Variants in PRDM1 observed in about 807,000 individuals in gnomAD.
The protein encoded by PRDM1 is PR domain zinc finger protein 1.
In PRDM1, 13 loss-of-function variants were observed where a neutral mutation model predicts 62.8. That is an observed-to-expected ratio of 0.21 (90% CI 0.13 to 0.33). PRDM1 has a LOEUF of 0.33. Ranked by LOEUF, PRDM1 falls within the 10% of genes least tolerant of loss-of-function variation. The pLI, the probability that PRDM1 is intolerant of heterozygous loss-of-function variation, is 1.00. For synonymous variants in PRDM1, 396 were observed against 417.6 expected, an observed-to-expected ratio of 0.95 and a Z score of 0.63; for missense variants, 895 against 1,058.8, an observed-to-expected ratio of 0.85 and a Z score of 2.15.
At position 106,105,068 on chromosome 6, in the gene PRDM1, C is replaced by A. The variant is rs1439183927; in HGVS notation, c.908C>A (p.Ala303Asp). The A allele has an allele frequency of 1.9e-6, 3 of 1,614,150 alleles. No individual in the cohort carries two copies. Among genetic ancestry groups the A allele is most frequent in the East Asian group, 4.5e-5 (2 of 44,878 alleles). Residue 303 changes from alanine to aspartate, a missense_variant, in exon 5 of 7, where the codon GCC (alanine) becomes GAC (aspartate). Ala to Asp is a moderately radical substitution (Grantham distance 126). This residue lies in a region of PRDM1 where 444 missense variants were observed against 422.7 expected (regional missense o/e 1.05). Coordinates refer to ENST00000369096, the MANE Select transcript of PRDM1 (RefSeq NM_001198.4). ...CCTCGGGTCGTTTACCCCATCCGGGCCCCTCTGCCAGAAGACTTTTTGAAA... is the reference window on the plus strand; with the variant it reads ...CCTCGGGTCGTTTACCCCATCCGGGACCCTCTGCCAGAAGACTTTTTGAAA... ...FYPRVVYPIR[A>D]PLPEDFLKAS...
chr6:106,022,902 T>C (rs2114560611), intron 1 of PRDM1, among the ~76,000 whole-genome samples: 1 of 152,332 alleles, frequency 6.6e-6, no homozygotes, highest in South Asian at 2.1e-4. Context: ...ATAGATTCAA[T>C]GTCGTCACCA....
At chr6:106,014,008 C>T (rs1772587652) in intron 1 of PRDM1, among the ~76,000 whole-genome samples, 1 of 149,506 alleles carries the variant, frequency 6.7e-6, no homozygotes, top group Non-Finnish European at 1.5e-5. Context: ...TTGTTTACTT[C>T]TTTACTGTCT....
chr6:106,007,204 G>T (rs1306191511), intron 1 of PRDM1, among the ~76,000 whole-genome samples: 1 of 151,856 alleles, frequency 6.6e-6, no homozygotes, highest in Non-Finnish European at 1.5e-5. Flanking sequence ...GGCCGAGGAG[G>T]GCGGATCACG....
At chr6:106,086,623 A>G in intron 1 of PRDM1, 28 bp downstream of exon 1, 1 of 1,524,660 alleles carries the variant, frequency 6.6e-7, no homozygotes, top group Non-Finnish European at 8.9e-7. Context: ...TTTTTTTTTA[A>G]TTCTGAAATT....
At chr6:106,098,949 C>T (rs1236851825) in intron 3 of PRDM1, 13 of 1,532,388 alleles carry the variant, frequency 8.5e-6, no homozygotes, top group African/African-American at 4.1e-5. Context: ...TCAGTAGCAT[C>T]GCCCATTTGC....
Position 106,025,022 on chromosome 6 carries a change from C to T in PRDM1, c.-67+31383C>T, listed in dbSNP as rs116828604. On this transcript the variant is annotated intron_variant, in intron 1 of 6. Transcript: ENST00000652320. ...TCTTCCTTCCCTTGGCAAGGTAGAACTTCTTTGATCTCGTTAAGAAAAAAA... is the reference window on the plus strand; with the variant it reads ...TCTTCCTTCCCTTGGCAAGGTAGAATTTCTTTGATCTCGTTAAGAAAAAAA... 7.4e-3 allele frequency among the ~76,000 whole-genome samples: 1,125 copies of T among 152,032 alleles called. 10 individuals are homozygous for T. Among genetic ancestry groups the T allele is most frequent in the African/African-American group, 0.026 (1,069 of 41,452 alleles).
At chr6:106,002,576 A>G (rs1342924614) in intron 1 of PRDM1, among the ~76,000 whole-genome samples, 1 of 152,212 alleles carries the variant, frequency 6.6e-6, no homozygotes, top group Non-Finnish European at 1.5e-5. Flanking sequence ...AAGGTTTTTA[A>G]AATGTATTCT....
At chr6:106,025,920 C>G (rs1347919711) in intron 1 of PRDM1, among the ~76,000 whole-genome samples, 1 of 152,192 alleles carries the variant, frequency 6.6e-6, no homozygotes, top group African/African-American at 2.4e-5. Context: ...AAACAGACCT[C>G]ATGCATTTCT....
chr6:106,043,163 T>A (rs1419573867), intron 1 of PRDM1, among the ~76,000 whole-genome samples: 2 of 152,340 alleles, frequency 1.3e-5, no homozygotes, highest in East Asian at 3.9e-4. Flanking sequence ...AGGCTGACAC[T>A]TTTAAGCCTT....
chr6:106,002,701 T>A (rs1173350245), intron 1 of PRDM1, among the ~76,000 whole-genome samples: 2 of 152,206 alleles, frequency 1.3e-5, no homozygotes. Flanking sequence ...CTTTGCCCAC[T>A]AGAAGAAAAA....
At chr6:106,051,303 C>A (rs773596472) in intron 1 of PRDM1, among the ~76,000 whole-genome samples, 8 of 152,202 alleles carry the variant, frequency 5.3e-5, no homozygotes, top group Non-Finnish European at 1.2e-4. Flanking sequence ...GCAAACATAA[C>A]CTCAGTGGGC....
At chr6:106,060,907 C>T (rs1348861716) in intron 1 of PRDM1, among the ~76,000 whole-genome samples, 3 of 151,964 alleles carry the variant, frequency 2.0e-5, no homozygotes, top group Non-Finnish European at 2.9e-5. Context: ...GAAAGTCTTC[C>T]GTCATCAAGG....
intron 1 of PRDM1, among the ~76,000 whole-genome samples, chr6:106,033,452 A>T (rs1182737793): frequency 6.6e-6 from 1 of 151,668 alleles, no homozygotes; most frequent in Non-Finnish European, 1.5e-5. Context: ...CTACGCCTGG[A>T]GATTATGTAT....
intron 1 of PRDM1, among the ~76,000 whole-genome samples, chr6:106,020,813 G>A (rs909914365): frequency 1.3e-5 from 2 of 152,116 alleles, no homozygotes; most frequent in Admixed American, 6.5e-5. Context: ...ATTGATTGTT[G>A]GCTATTAAGT....
intron 1 of PRDM1, among the ~76,000 whole-genome samples, chr6:106,028,631 T>C (rs1772796581): frequency 6.6e-6 from 1 of 152,202 alleles, no homozygotes. Flanking sequence ...CTTATTAAGG[T>C]ATAATTGAAG....
At chr6:106,101,580 G>T (rs766942459) in intron 4 of PRDM1, among the ~76,000 whole-genome samples, 1 of 152,210 alleles carries the variant, frequency 6.6e-6, no homozygotes, top group East Asian at 1.9e-4. Context: ...AAGAATGAGA[G>T]TTAACAATAA....
intron 1 of PRDM1, among the ~76,000 whole-genome samples, chr6:106,009,280 G>C (rs1772517603): frequency 6.6e-6 from 1 of 152,172 alleles, no homozygotes; most frequent in Non-Finnish European, 1.5e-5. Context: ...GCTTCAAAGT[G>C]GATTCATTCC....
At chr6:106,001,933 A>G (rs1171156855) in intron 1 of PRDM1, among the ~76,000 whole-genome samples, 1 of 152,006 alleles carries the variant, frequency 6.6e-6, no homozygotes, top group Non-Finnish European at 1.5e-5. Flanking sequence ...GAAATATTTA[A>G]TGGTTTCTCT....
At chr6:106,005,533 A>G (rs1340575287) in intron 1 of PRDM1, among the ~76,000 whole-genome samples, 2 of 152,234 alleles carry the variant, frequency 1.3e-5, no homozygotes, top group East Asian at 3.8e-4. Context: ...TTTGAGTAAA[A>G]TGAATATGGA....
Sources: allele counts gnomAD v4.1 joint callset (sites outside exome capture counted in the v4.1 genomes callset), GRCh38; gene constraint gnomAD v4.1.1; regional missense constraint gnomAD v4.1.1; transcripts MANE v1.5; gene names NCBI Gene and HGNC (gene_info 2026-07-23, HGNC 2026-07-21).